Variants in DYTN observed in about 807,000 individuals in gnomAD.
The protein encoded by DYTN is dystrotelin.
Under a neutral mutation model 69.6 loss-of-function variants are expected in DYTN, and 75 were observed. The observed-to-expected ratio is 1.08, with a 90% CI of 0.89 to 1.31. The LOEUF is 1.31. Ranked by LOEUF, DYTN falls within the 50% of genes most tolerant of loss-of-function variation. The pLI, the probability that DYTN is intolerant of heterozygous loss-of-function variation, is 0.00. For missense variants in DYTN, 726 were observed against 688.4 expected, an observed-to-expected ratio of 1.05 and a Z score of -0.61; for synonymous variants, 252 against 249.1, an observed-to-expected ratio of 1.01 and a Z score of -0.11.
At chr2:206,696,343 G>A (rs191858318) in intron 7 of DYTN, among the ~76,000 whole-genome samples, 6 of 152,326 alleles carry the variant, frequency 3.9e-5, no homozygotes, top group African/African-American at 1.2e-4. Context: ...ATGGCAGAAG[G>A]TCTGATGGTC....
Position 206,651,866 on chromosome 2 carries a change from C to T in DYTN, c.1689G>A (p.Arg563=). 6.2e-7 allele frequency: 1 copy of T among 1,613,532 alleles called. No individual in the cohort carries two copies. The highest frequency in any genetic ancestry group is 8.5e-7 in the Non-Finnish European group (1 of 1,179,616). The change falls in exon 12 of 12, where the codon AGG becomes AGA. Residue 563 remains arginine (R), a synonymous_variant. Coordinates refer to ENST00000452335, the MANE Select transcript of DYTN (RefSeq NM_001093730.1). ...TTTGATCAACAAGGGCAGAGAAGGC[C>T]CTGCACACTCGCTGAGCTCCACTGT... ...DLYSGAQRVC[R]AFSALVDQIA...
Position 206,710,536 on chromosome 2 carries a change from T to C in DYTN, c.82A>G (p.Thr28Ala), listed in dbSNP as rs778755901. Residue 28 changes from threonine (T) to alanine (A), a missense_variant, in exon 2 of 12, where the codon ACT (threonine) becomes GCT (alanine). By Grantham distance (58) the Thr-to-Ala change is moderately conservative (BLOSUM62 0). Coordinates refer to ENST00000452335, the MANE Select transcript of DYTN (RefSeq NM_001093730.1). ...RTAFKLQSVQ[T>A]LCQLDLIDSS... ...AGCCTATACTTACACTGGCACAGAG[T>C]TTGCACTGATTGTAATTTGAAGGCT... 3 of 1,612,024 alleles carry C rather than the reference T, an allele frequency of 1.9e-6. No homozygotes were observed. In the East Asian group the frequency reaches 6.7e-5, roughly 36 times the overall value.
At chr2:206,666,180 G>A (rs759572503) in intron 9 of DYTN, among the ~76,000 whole-genome samples, 151 bp from the exon 10 acceptor site, 4 of 151,988 alleles carry the variant, frequency 2.6e-5, no homozygotes, top group African/African-American at 7.3e-5. Context: ...ATGGAGCCTC[G>A]CTCTGTCACC....
intron 9 of DYTN, among the ~76,000 whole-genome samples, chr2:206,683,290 A>AT (rs1166429610): frequency 6.7e-6 from 1 of 149,838 alleles, no homozygotes; most frequent in East Asian, 2.0e-4. Context: ...AGGTCCTTAC[A>AT]TTGGCCTTCC....
At chr2:206,704,790 A>G in intron 5 of DYTN, 53 bp downstream of exon 5, 5 of 1,467,472 alleles carry the variant, frequency 3.4e-6, no homozygotes, top group Non-Finnish European at 4.7e-6. Context: ...TTAATAATAA[A>G]TGTGGCAAAT....
chr2:206,697,534 A>T (rs997162753), intron 7 of DYTN, among the ~76,000 whole-genome samples: 1 of 152,204 alleles, frequency 6.6e-6, no homozygotes, highest in African/African-American at 2.4e-5. Context: ...ATCCCAAAAC[A>T]TAAGTTTAAA....
intron 11 of DYTN, among the ~76,000 whole-genome samples, 163 bp downstream of exon 11, chr2:206,662,740 A>G (rs1027438095): frequency 6.6e-6 from 1 of 150,380 alleles, no homozygotes; most frequent in Non-Finnish European, 1.5e-5. Context: ...GAATTAGGTA[A>G]TCCTAAAAAT....
chr2:206,687,523 C>T (rs1343727743), intron 9 of DYTN, among the ~76,000 whole-genome samples: 1 of 152,052 alleles, frequency 6.6e-6, no homozygotes, highest in African/African-American at 2.4e-5. Flanking sequence ...TATCATTTAC[C>T]ATAACAAAAT....
At chr2:206,663,619 G>A (rs1305268683) in intron 10 of DYTN, among the ~76,000 whole-genome samples, 3 of 151,906 alleles carry the variant, frequency 2.0e-5, no homozygotes, top group Non-Finnish European at 4.4e-5. Flanking sequence ...AATAACAGAG[G>A]GAATAATTAC....
chr2:206,699,257 G>A (rs1699951068), intron 7 of DYTN, among the ~76,000 whole-genome samples: 1 of 152,092 alleles, frequency 6.6e-6, no homozygotes, highest in Non-Finnish European at 1.5e-5. Context: ...AACACAATAA[G>A]ATCCCATCTC....
At chr2:206,681,918 T>G (rs1034682042) in intron 9 of DYTN, among the ~76,000 whole-genome samples, 3 of 152,198 alleles carry the variant, frequency 2.0e-5, no homozygotes. Context: ...AGTCCCTGCT[T>G]TTCAATAGTT....
At chr2:206,677,131 A>C (rs1461300165) in intron 9 of DYTN, among the ~76,000 whole-genome samples, 1 of 152,008 alleles carries the variant, frequency 6.6e-6, no homozygotes, top group African/African-American at 2.4e-5. Context: ...TATTTTTAGT[A>C]GAGATGGGGT....
chr2:206,655,043 C>G (rs1053764230), intron 11 of DYTN, among the ~76,000 whole-genome samples: 2 of 152,116 alleles, frequency 1.3e-5, no homozygotes, highest in Non-Finnish European at 2.9e-5. Context: ...AGCATCCTTG[C>G]TTTGTTCCTG....
At chr2:206,652,677 A>G (rs1699401021) in intron 11 of DYTN, among the ~76,000 whole-genome samples, 1 of 152,230 alleles carries the variant, frequency 6.6e-6, no homozygotes, top group Admixed American at 6.5e-5. Flanking sequence ...CATTTTAAAA[A>G]TGACATTGCT....
At chr2:206,686,017 T>C (rs926893595) in intron 9 of DYTN, among the ~76,000 whole-genome samples, 5 of 148,358 alleles carry the variant, frequency 3.4e-5, no homozygotes, top group African/African-American at 9.9e-5. Context: ...ACATTTCCAG[T>C]GGATGCCACT....
At chr2:206,679,532 T>C (rs1372838188) in intron 9 of DYTN, among the ~76,000 whole-genome samples, 2 of 152,336 alleles carry the variant, frequency 1.3e-5, no homozygotes, top group Middle Eastern at 3.4e-3. Flanking sequence ...AAAGAACATA[T>C]AATATATCAG....
intron 11 of DYTN, among the ~76,000 whole-genome samples, chr2:206,652,462 T>A (rs1385011739): frequency 1.3e-5 from 2 of 152,182 alleles, no homozygotes; most frequent in African/African-American, 2.4e-5. Context: ...TTGGCAGGTA[T>A]CAACTAAAAT....
At chr2:206,716,065 T>G (rs1700127241) in intron 1 of DYTN, among the ~76,000 whole-genome samples, 2 of 151,970 alleles carry the variant, frequency 1.3e-5, no homozygotes, top group South Asian at 4.2e-4. Context: ...TCCAGCCTGG[T>G]GGCAGAGCGA....
In DYTN at chr2:206,665,978, G is replaced by T; in HGVS notation, c.1032C>A (p.Tyr344Ter). Reference protein sequence around the residue: ...NQYKDKLQAIYTSQEERICRF... With the variant: ...NQYKDKLQAI ...GACAAATTCTTTCTTCCTGGGAGGT[G>T]TATATAGCTTGCAACTTGTCTTTGT... Residue 344 changes from tyrosine (Y) to a stop codon, truncating the protein, a stop_gained, in exon 10 of 12, where the codon TAC becomes TAA. Transcript: ENST00000452335. LOFTEE classifies it high-confidence loss of function. 1 of 1,613,926 alleles carries T rather than the reference G, an allele frequency of 6.2e-7. No homozygotes were observed. The highest frequency in any genetic ancestry group is 8.5e-7 in the Non-Finnish European group (1 of 1,179,874).
Sources: allele counts gnomAD v4.1 joint callset (sites outside exome capture counted in the v4.1 genomes callset), GRCh38; gene constraint gnomAD v4.1.1; transcripts MANE v1.5; gene names NCBI Gene and HGNC (gene_info 2026-07-23, HGNC 2026-07-21).